The following ERC2 variants were observed in gnomAD, a reference collection of about 807,000 sequenced individuals.
ERC2 encodes ELKS/RAB6-interacting/CAST family member 2.
Under a neutral mutation model 114.8 loss-of-function variants are expected in ERC2, and 42 were observed. That is an observed-to-expected ratio of 0.37 (90% CI 0.29 to 0.47). The LOEUF (loss-of-function observed/expected upper bound fraction) is 0.47. ERC2 is among the 20% of genes least tolerant of loss of function. The pLI is 0.99. For missense variants in ERC2, 939 were observed against 1,150.7 expected, an observed-to-expected ratio of 0.82 and a Z score of 2.66; for synonymous variants, 454 against 425.5, an observed-to-expected ratio of 1.07 and a Z score of -0.82.
At chr3:55,802,861 G>C (rs1381126069) in intron 14 of ERC2, among the ~76,000 whole-genome samples, 1 of 152,152 alleles carries the variant, frequency 6.6e-6, no homozygotes, top group Non-Finnish European at 1.5e-5. Flanking sequence ...GACACTGACT[G>C]TTTTCACAAA....
chr3:55,979,366 C>T (rs1346914569), intron 12 of ERC2, among the ~76,000 whole-genome samples: 1 of 152,092 alleles, frequency 6.6e-6, no homozygotes, highest in Non-Finnish European at 1.5e-5. Flanking sequence ...GGGATTTTTC[C>T]CAGGACCTAA....
intron 12 of ERC2, among the ~76,000 whole-genome samples, chr3:55,975,417 G>GT (rs1559960401): frequency 2.6e-5 from 4 of 151,888 alleles, no homozygotes; most frequent in Non-Finnish European, 5.9e-5. Flanking sequence ...TAGTAGCTAG[G>GT]TTTTTTTGTC....
At chr3:56,173,620 C>A in intron 3 of ERC2, 100 bp from the exon 4 acceptor site, 1 of 1,061,314 alleles carries the variant, frequency 9.4e-7, no homozygotes. Flanking sequence ...CCTGGTTCCC[C>A]TTGCACAGAC....
chr3:55,659,776 G>A (rs2061041010), intron 17 of ERC2, among the ~76,000 whole-genome samples: 1 of 152,062 alleles, frequency 6.6e-6, no homozygotes, highest in African/African-American at 2.4e-5. Context: ...TCCCAGATCA[G>A]ATCTACATCA....
At chr3:55,635,608 CT>C (rs2148639810) in intron 17 of ERC2, among the ~76,000 whole-genome samples, 1 of 152,038 alleles carries the variant, frequency 6.6e-6, no homozygotes, top group South Asian at 2.1e-4. Flanking sequence ...CCAAGCTGGT[CT>C]TGAACTCTTG....
intron 15 of ERC2, among the ~76,000 whole-genome samples, chr3:55,732,615 G>T (rs1263089526): frequency 2.0e-5 from 3 of 152,148 alleles, no homozygotes; most frequent in Admixed American, 6.6e-5. Flanking sequence ...AAAGAAAAAA[G>T]GTAGCCTTAA....
intron 1 of ERC2, among the ~76,000 whole-genome samples, chr3:56,461,674 T>C (rs2063325194): frequency 1.3e-5 from 2 of 152,216 alleles, no homozygotes; most frequent in Admixed American, 6.5e-5. Flanking sequence ...TGAACAGCTA[T>C]AAGATTCACA....
At position 56,453,889 on chromosome 3, in the gene ERC2, T is replaced by C. The variant is rs536849903; in HGVS notation, c.-141+14359A>G. Among the ~76,000 whole-genome samples, 52 of 152,268 alleles carry C rather than the reference T, an allele frequency of 3.4e-4. 1 individual carries two copies. Among genetic ancestry groups the C allele is most frequent in the Admixed American group, 2.6e-4 (4 of 15,296 alleles). ...GAATGCCAGCGAGCATCAATGGGCG[T>C]GGGCTGGACCTCGTATGATCAGTAC... On this transcript the variant is annotated intron_variant, in intron 1 of 17. Coordinates refer to ENST00000288221, the MANE Select transcript of ERC2 (RefSeq NM_015576.3).
chr3:55,910,849 A>G (rs1386906482), intron 13 of ERC2, among the ~76,000 whole-genome samples: 1 of 152,204 alleles, frequency 6.6e-6, no homozygotes, highest in Non-Finnish European at 1.5e-5. Flanking sequence ...CCACTAGAAT[A>G]TTTTGCTTTG....
At chr3:56,137,760 G>A (rs2080597130) in intron 6 of ERC2, among the ~76,000 whole-genome samples, 2 of 152,178 alleles carry the variant, frequency 1.3e-5, no homozygotes, top group South Asian at 4.1e-4. Flanking sequence ...TAGCTGTGCT[G>A]TCTAATACAG....
At chr3:55,544,981 C>T (rs953350720) in intron 17 of ERC2, among the ~76,000 whole-genome samples, 17 of 152,172 alleles carry the variant, frequency 1.1e-4, no homozygotes, top group African/African-American at 3.1e-4. Context: ...ATCATTGTGA[C>T]GTTTCCTTCA....
At chr3:55,752,328 G>A (rs1281680527) in intron 14 of ERC2, among the ~76,000 whole-genome samples, 1 of 152,168 alleles carries the variant, frequency 6.6e-6, no homozygotes, top group Admixed American at 6.5e-5. Context: ...GCTAGCTAGC[G>A]AGAGTCAATT....
intron 17 of ERC2, among the ~76,000 whole-genome samples, chr3:55,584,794 C>T (rs1190882371): frequency 1.3e-5 from 2 of 152,162 alleles, no homozygotes; most frequent in Admixed American, 6.5e-5. Context: ...AGAAGATTGA[C>T]AGGGGAGCAC....
intron 2 of ERC2, among the ~76,000 whole-genome samples, chr3:56,431,656 T>G (rs2061794086): frequency 6.6e-6 from 1 of 152,200 alleles, no homozygotes; most frequent in African/African-American, 2.4e-5. Flanking sequence ...CCTAATATAC[T>G]TCCAAAAAGA....
At chr3:55,837,317 C>A (rs548515453) in intron 14 of ERC2, among the ~76,000 whole-genome samples, 1 of 152,166 alleles carries the variant, frequency 6.6e-6, no homozygotes, top group African/African-American at 2.4e-5. Context: ...ATGTTTATTG[C>A]AGCACTATTC....
intron 10 of ERC2, among the ~76,000 whole-genome samples, chr3:55,992,667 A>G (rs1421285519): frequency 6.6e-6 from 1 of 152,166 alleles, no homozygotes; most frequent in African/African-American, 2.4e-5. Flanking sequence ...CCAAAACAAC[A>G]CAATATTGGA....
chr3:55,752,540 C>A (rs1395172031), intron 14 of ERC2, among the ~76,000 whole-genome samples: 1 of 152,180 alleles, frequency 6.6e-6, no homozygotes, highest in Non-Finnish European at 1.5e-5. Context: ...GCCATAGAGC[C>A]TACAATAGGA....
At chr3:55,607,391 G>A (rs749601539) in intron 17 of ERC2, among the ~76,000 whole-genome samples, 3 of 152,116 alleles carry the variant, frequency 2.0e-5, no homozygotes, top group Non-Finnish European at 4.4e-5. Flanking sequence ...GGGTCAGCAC[G>A]TGCGAGATTC....
At chr3:55,718,397 A>G (rs1230920708) in intron 15 of ERC2, among the ~76,000 whole-genome samples, 1 of 152,374 alleles carries the variant, frequency 6.6e-6, no homozygotes, top group East Asian at 1.9e-4. Flanking sequence ...TGATAAAAGA[A>G]AAAAGAACAG....
Sources: gnomAD v4.1 joint callset for allele counts (sites outside exome capture counted in the v4.1 genomes callset) on GRCh38, gnomAD v4.1.1 for gene constraint, MANE v1.5 for transcripts, NCBI Gene and HGNC (gene_info 2026-07-23, HGNC 2026-07-21) for gene names.